Variants in ZNF638 observed in about 807,000 individuals in gnomAD.
The protein encoded by ZNF638 is zinc finger protein 638.
Under a neutral mutation model 195.6 loss-of-function variants are expected in ZNF638, and 46 were observed. The observed-to-expected ratio is 0.24, with a 90% confidence interval of 0.19 to 0.30. ZNF638 has a LOEUF of 0.30. Among genes scored for constraint, ZNF638 ranks in the 10% least tolerant of loss-of-function variants. The pLI is 1.00. For missense variants in ZNF638, 2,440 were observed against 2,325.3 expected (o/e 1.05, Z -1.01); for synonymous variants, 845 against 772.0 (o/e 1.09, Z -1.57).
At chr2:71,399,713 G>T (rs1198698225) in intron 13 of ZNF638, 68 bp downstream of exon 13, 2 of 1,296,746 alleles carry the variant, frequency 1.5e-6, no homozygotes, top group African/African-American at 1.5e-5. Flanking sequence ...TAAGTTCAGG[G>T]GTACATGTGC....
At chr2:71,405,497 T>C (rs2080088736) in intron 17 of ZNF638, 104 bp from the exon 18 acceptor site, 2 of 678,972 alleles carry the variant, frequency 2.9e-6, no homozygotes, top group Admixed American at 3.3e-5. Context: ...AAATACTTTG[T>C]AATGCATATT....
At chr2:71,389,508 G>A (rs1221481186) in intron 10 of ZNF638, among the ~76,000 whole-genome samples, 1 of 152,198 alleles carries the variant, frequency 6.6e-6, no homozygotes. Flanking sequence ...GGAAGACAGA[G>A]TATGATGAGT....
In ZNF638 at chr2:71,349,607, G is replaced by T; in HGVS notation, c.653G>T (p.Gly218Val). ...GATTATGGGCATGCAAGCAAATATG[G>T]CTACACAGAAGATCCACTTGAAGTA... Reference protein sequence around the residue: ...VIDYGHASKYGYTEDPLEVRI... With the variant: ...VIDYGHASKYVYTEDPLEVRI... Residue 218 changes from glycine to valine, a missense_variant, in exon 2 of 28, where the codon GGC (glycine) becomes GTC (valine). Physicochemically the swap from Gly to Val is moderately radical, Grantham distance 109 (BLOSUM62 -3). This residue lies in a region of ZNF638 where 305 missense variants were observed against 283.6 expected (regional missense o/e 1.08). Coordinates refer to ENST00000264447, the MANE Select transcript of ZNF638 (RefSeq NM_014497.5). The T allele has an allele frequency of 6.2e-7, 1 of 1,614,152 alleles. No individual in the cohort carries two copies. The highest frequency in any genetic ancestry group is 8.5e-7 in the Non-Finnish European group (1 of 1,180,030).
chr2:71,398,412 C>T lies in ZNF638; in HGVS notation c.2429-289C>T, dbSNP rs533718805. ...CTTGTGGTGTCATGTCAGCAGCACT[C>T]GGGGTTTCAGGTTTTGGAACATTTC... On this transcript the variant is annotated intron_variant, in intron 11 of 27. Coordinates refer to ENST00000264447, the MANE Select transcript of ZNF638 (RefSeq NM_014497.5). Among the ~76,000 whole-genome samples the T allele has an allele frequency of 1.3e-3, 201 of 152,014 alleles. 1 individual carries two copies. Among genetic ancestry groups the T allele is most frequent in the African/African-American group, 4.4e-3 (181 of 41,458 alleles).
chr2:71,356,343 T>TTAACACTATGTTCC (rs2079022298), intron 3 of ZNF638, among the ~76,000 whole-genome samples: 1 of 152,232 alleles, frequency 6.6e-6, no homozygotes, highest in Admixed American at 6.5e-5. Flanking sequence ...AAGTGTGATT[T>TTAACACTATGTTCC]TAACACTATG....
At chr2:71,357,216 G>A (rs1416983443) in intron 3 of ZNF638, among the ~76,000 whole-genome samples, 2 of 151,976 alleles carry the variant, frequency 1.3e-5, no homozygotes, top group Non-Finnish European at 2.9e-5. Context: ...TTCAATTTTG[G>A]TTAGTTGTCC....
chr2:71,355,447 T>TG (rs1211316460), intron 2 of ZNF638, among the ~76,000 whole-genome samples: 1 of 152,206 alleles, frequency 6.6e-6, no homozygotes, highest in East Asian at 1.9e-4. Context: ...GTTTATATAT[T>TG]GATTTCAAAA....
At position 71,348,886 on chromosome 2, in the gene ZNF638, A is replaced by G. The variant is rs2078897308; in HGVS notation, c.-69A>G. 1.2e-6 allele frequency: 2 copies of G among 1,613,742 alleles called. No homozygotes were observed. Among genetic ancestry groups the G allele is most frequent in the Admixed American group, 3.3e-5 (2 of 60,004 alleles). On this transcript the variant is annotated 5_prime_UTR_variant, in exon 2 of 28. Coordinates refer to ENST00000264447, the MANE Select transcript of ZNF638 (RefSeq NM_014497.5). Reference sequence around the variant, plus strand: ...GACTCAGTTGGCGCTTCAGCAGCTGAATGCCGTTGCCTCACATGGTTCAAC... The same window carrying G: ...GACTCAGTTGGCGCTTCAGCAGCTGGATGCCGTTGCCTCACATGGTTCAAC...
intron 10 of ZNF638, among the ~76,000 whole-genome samples, chr2:71,391,187 A>G (rs545953052): frequency 6.6e-6 from 1 of 152,338 alleles, no homozygotes; most frequent in East Asian, 1.9e-4. Flanking sequence ...ACGGGCTATC[A>G]GTGGCAGTTT....
chr2:71,425,492 T>A (rs191693871), intron 23 of ZNF638, among the ~76,000 whole-genome samples: 107 of 152,252 alleles, frequency 7.0e-4, no homozygotes, highest in African/African-American at 2.5e-3. Context: ...TAGCAGTTAA[T>A]CATTAATAAC....
At chr2:71,363,074 G>T in intron 3 of ZNF638, 79 bp from the exon 4 acceptor site, 1 of 1,007,582 alleles carries the variant, frequency 9.9e-7, no homozygotes, top group South Asian at 1.5e-5. Flanking sequence ...AAGTCCTTTT[G>T]ATATATTACA....
At position 71,393,748 on chromosome 2, in the gene ZNF638, C is replaced by G. The variant is rs531546454; in HGVS notation, c.2378-2393C>G. 1,718 of 641,876 alleles carry G rather than the reference C, an allele frequency of 2.7e-3. 7 individuals are homozygous for G. Among genetic ancestry groups the G allele is most frequent in the Non-Finnish European group, 3.8e-3 (1,336 of 350,474 alleles). 39.8% of individuals were successfully genotyped at this position (641,876 alleles called of 1,614,324 possible). ...TCATCTGTTAGATCCGCCTTTCTTA[C>G]GCCCTGTTACCTGGGCAGGCACCCC... On this transcript the variant is annotated intron_variant, in intron 10 of 27. Transcript: ENST00000264447.
chr2:71,427,516 A>G, intron 24 of ZNF638, 102 bp downstream of exon 24: 1 of 856,024 alleles, frequency 1.2e-6, no homozygotes. Flanking sequence ...GTCACCCAGT[A>G]TTGATATTAG....
chr2:71,394,193 T>G (rs1468677776), intron 10 of ZNF638, among the ~76,000 whole-genome samples: 2 of 152,188 alleles, frequency 1.3e-5, no homozygotes, highest in African/African-American at 4.8e-5. Flanking sequence ...GATGTTTGCA[T>G]CCATTGTGGT....
intron 8 of ZNF638, among the ~76,000 whole-genome samples, chr2:71,378,193 C>T (rs906896176): frequency 6.6e-6 from 1 of 151,978 alleles, no homozygotes; most frequent in African/African-American, 2.4e-5. Flanking sequence ...TTAAAATTAC[C>T]AGAAAGATAA....
At chr2:71,366,206 T>G (rs1041443418) in intron 6 of ZNF638, among the ~76,000 whole-genome samples, 1 of 151,758 alleles carries the variant, frequency 6.6e-6, no homozygotes, top group African/African-American at 2.4e-5. Context: ...AAAAATGAGC[T>G]GGGGGTAGCG....
chr2:71,395,498 G>T, intron 10 of ZNF638: 1 of 606,586 alleles, frequency 1.6e-6, no homozygotes, highest in South Asian at 2.0e-5. Context: ...CTAAGGGCAA[G>T]AAGTAGGTAA....
Position 71,348,817 on chromosome 2 carries a change from C to T in ZNF638, c.-138C>T. On this transcript the variant is annotated 5_prime_UTR_variant, in exon 2 of 28. Transcript: ENST00000264447. ...TTCCTTGAACCTGGGCATTGCAAAC[C>T]CACTTCTGTTGGGCCCATCTCCTTT... The T allele has an allele frequency of 6.3e-7, 1 of 1,593,044 alleles. No homozygotes were observed. The highest frequency in any genetic ancestry group is 1.1e-5 in the South Asian group (1 of 88,822).
Position 71,363,334 on chromosome 2 carries a change from T to G in ZNF638, c.1418+143T>G, listed in dbSNP as rs115877158. On this transcript the variant is annotated intron_variant, in intron 4 of 27. Coordinates refer to ENST00000264447, the MANE Select transcript of ZNF638 (RefSeq NM_014497.5). ...GCAAAAACCTCTATGAATCTTTAAC[T>G]TATTCCAGCTTAAAGGTGACACAGC... is the stretch of plus-strand genomic sequence containing the variant. 5.2e-3 allele frequency: 3,198 copies of G among 615,204 alleles called. 16 individuals carry two copies. The highest frequency in any genetic ancestry group is 7.1e-3 in the Non-Finnish European group (2,550 of 358,758). The allele number at this position is 615,204 out of a possible 1,614,324, so 38.1% of individuals were successfully genotyped here.
Sources: gnomAD v4.1 joint callset for allele counts (sites outside exome capture counted in the v4.1 genomes callset) on GRCh38, gnomAD v4.1.1 for gene constraint, gnomAD v4.1.1 regional missense constraint, MANE v1.5 for transcripts, NCBI Gene and HGNC (gene_info 2026-07-23, HGNC 2026-07-21) for gene names.